Variants in PXDNL observed in about 807,000 individuals in gnomAD.
PXDNL encodes peroxidasin like, also known as probable oxidoreductase PXDNL.
In PXDNL, 145 loss-of-function variants were observed where a neutral mutation model predicts 150.8. That is an observed-to-expected ratio of 0.96 (90% CI 0.84 to 1.10). The LOEUF (loss-of-function observed/expected upper bound fraction) is 1.10, where lower values mean the gene tolerates loss of function less well. Among genes scored for constraint, PXDNL ranks in the 50% least tolerant of loss-of-function variants. The pLI, the probability that PXDNL is intolerant of heterozygous loss-of-function variation, is 0.00. For missense variants in PXDNL, 2,087 were observed against 1,873.9 expected (o/e 1.11, Z -2.10); for synonymous variants, 757 against 725.7 (o/e 1.04, Z -0.69).
chr8:51,510,839 T>C (rs574922313), intron 4 of PXDNL, among the ~76,000 whole-genome samples: 1 of 152,286 alleles, frequency 6.6e-6, no homozygotes, highest in Admixed American at 6.5e-5. Context: ...TGTGTTTGCC[T>C]GTGAACACTG....
At chr8:51,364,153 A>G (rs895509026) in intron 19 of PXDNL, among the ~76,000 whole-genome samples, 4 of 152,232 alleles carry the variant, frequency 2.6e-5, no homozygotes, top group African/African-American at 9.6e-5. Context: ...GCCTTAATGC[A>G]CTATGTCAAG....
At chr8:51,715,418 A>G (rs1816594173) in intron 1 of PXDNL, among the ~76,000 whole-genome samples, 1 of 152,224 alleles carries the variant, frequency 6.6e-6, no homozygotes, top group Non-Finnish European at 1.5e-5. Context: ...TCCACCACAC[A>G]CGATTTTAAT....
chr8:51,343,852 G>C (rs1439085316), intron 20 of PXDNL, among the ~76,000 whole-genome samples: 4 of 152,120 alleles, frequency 2.6e-5, no homozygotes, highest in Non-Finnish European at 4.4e-5. Flanking sequence ...AAATAAAAGG[G>C]CCAAGTGAAT....
intron 8 of PXDNL, among the ~76,000 whole-genome samples, chr8:51,468,909 G>A (rs1265136900): frequency 6.6e-6 from 1 of 151,790 alleles, no homozygotes; most frequent in Admixed American, 6.6e-5. Context: ...AAGTTGTTCA[G>A]TCCTTAATAA....
chr8:51,472,404 A>G, intron 7 of PXDNL, 100 bp from the exon 8 acceptor site: 1 of 844,494 alleles, frequency 1.2e-6, no homozygotes, highest in South Asian at 1.7e-5. Context: ...TTATTTCTAC[A>G]TTAAAGTTTT....
At chr8:51,603,113 A>G (rs1413622577) in intron 2 of PXDNL, among the ~76,000 whole-genome samples, 2 of 151,886 alleles carry the variant, frequency 1.3e-5, no homozygotes, top group African/African-American at 4.8e-5. Flanking sequence ...GCAAATCTCC[A>G]ACATGTATCT....
chr8:51,595,398 A>G (rs1355417485), intron 2 of PXDNL, among the ~76,000 whole-genome samples: 2 of 152,162 alleles, frequency 1.3e-5, no homozygotes, highest in Non-Finnish European at 2.9e-5. Flanking sequence ...AATAAAATTT[A>G]TAAAGAAAAA....
chr8:51,357,718 T>A (rs1324399541), intron 19 of PXDNL, among the ~76,000 whole-genome samples: 2 of 152,138 alleles, frequency 1.3e-5, no homozygotes, highest in Non-Finnish European at 2.9e-5. Flanking sequence ...GAAGAAAGGA[T>A]CCCTGACTTT....
rs1324303063 is a variant in PXDNL, at chr8:51,474,964, T to G, written c.694+8A>C. The stretch of plus-strand genomic sequence containing the variant: ...TTCTATCTTATGTACACATTGAAAT[T>G]TACGTACGGCAATTGAATTCCTCTA... On this transcript the variant is annotated splice_region_variant and intron_variant, in intron 7 of 22. Coordinates refer to ENST00000356297, the MANE Select transcript of PXDNL (RefSeq NM_144651.5). 6.3e-7 allele frequency: 1 copy of G among 1,576,874 alleles called. No homozygotes were observed. Among genetic ancestry groups the G allele is most frequent in the Admixed American group, 1.9e-5 (1 of 53,990 alleles).
chr8:51,582,919 C>T (rs926685700), intron 3 of PXDNL, among the ~76,000 whole-genome samples: 6 of 151,894 alleles, frequency 4.0e-5, no homozygotes, highest in African/African-American at 1.5e-4. Flanking sequence ...CTGATCTACA[C>T]ATAATCAATT....
intron 12 of PXDNL, among the ~76,000 whole-genome samples, chr8:51,432,467 G>A (rs1809273919): frequency 6.6e-6 from 1 of 152,176 alleles, no homozygotes; most frequent in African/African-American, 2.4e-5. Context: ...GATTGGAATT[G>A]CATTGATCTA....
At chr8:51,546,767 T>C (rs1356003096) in intron 4 of PXDNL, among the ~76,000 whole-genome samples, 2 of 152,190 alleles carry the variant, frequency 1.3e-5, no homozygotes, top group Non-Finnish European at 2.9e-5. Context: ...ATCTCAGCCC[T>C]GCACAGAGGC....
At position 51,372,093 on chromosome 8, in the gene PXDNL, C is replaced by A. The variant is rs780347509; in HGVS notation, c.3693-12G>T. The A allele has an allele frequency of 4.0e-5, 59 of 1,475,020 alleles. No individual in the cohort carries two copies. The highest frequency in any genetic ancestry group is 2.5e-4 in the Admixed American group (10 of 39,448). 91.4% of individuals were successfully genotyped at this position (1,475,020 alleles called of 1,614,324 possible). A position where few individuals can be genotyped will look rare whatever the true frequency, so the allele number is the denominator to read the frequency against. ...TTTCATACCAGAACCTGGTAGTCAA[C>A]CAAAAAAAAAACATTGTCGTGGGTC... On this transcript the variant is annotated splice_polypyrimidine_tract_variant and intron_variant, in intron 18 of 22. Coordinates refer to ENST00000356297, the MANE Select transcript of PXDNL (RefSeq NM_144651.5).
intron 1 of PXDNL, among the ~76,000 whole-genome samples, chr8:51,717,180 A>C (rs1361457981): frequency 6.6e-6 from 1 of 152,162 alleles, no homozygotes; most frequent in Non-Finnish European, 1.5e-5. Flanking sequence ...TACCAATTTT[A>C]TCTGTCTCTT....
chr8:51,684,569 T>C (rs1815831734), intron 1 of PXDNL, among the ~76,000 whole-genome samples: 1 of 152,206 alleles, frequency 6.6e-6, no homozygotes. Flanking sequence ...TACTGTTACA[T>C]GCAAAAGGAA....
chr8:51,389,617 C>A (rs190825524), intron 17 of PXDNL, among the ~76,000 whole-genome samples: 87 of 152,302 alleles, frequency 5.7e-4, no homozygotes, highest in African/African-American at 2.0e-3. Flanking sequence ...AATCATGGGC[C>A]AAGAAAGCAC....
intron 1 of PXDNL, among the ~76,000 whole-genome samples, chr8:51,657,151 A>C (rs1198222412): frequency 6.6e-6 from 1 of 151,828 alleles, no homozygotes; most frequent in Non-Finnish European, 1.5e-5. Flanking sequence ...TATCTAACAC[A>C]CTCCTTATTT....
At chr8:51,350,143 GA>G (rs982992235) in intron 19 of PXDNL, among the ~76,000 whole-genome samples, 2 of 151,832 alleles carry the variant, frequency 1.3e-5, no homozygotes, top group African/African-American at 2.4e-5. Context: ...AGAAGAGAAA[GA>G]AAAAAAGCTT....
chr8:51,356,140 T>A (rs1806500173), intron 19 of PXDNL, among the ~76,000 whole-genome samples: 1 of 152,112 alleles, frequency 6.6e-6, no homozygotes, highest in Non-Finnish European at 1.5e-5. Context: ...GAAGTGTTGG[T>A]TTTTTTGGTC....
Sources: allele counts gnomAD v4.1 joint callset (sites outside exome capture counted in the v4.1 genomes callset), GRCh38; gene constraint gnomAD v4.1.1; transcripts MANE v1.5; gene names NCBI Gene and HGNC (gene_info 2026-07-23, HGNC 2026-07-21).